ZNF506: variants seen among roughly 807,000 people sequenced by gnomAD.
The protein encoded by ZNF506 is zinc finger protein 506.
ZNF506 carries 10 observed loss-of-function variants against 11.6 expected under a neutral mutation model. The observed-to-expected ratio is 0.86, with a 90% CI of 0.53 to 1.46. The LOEUF (loss-of-function observed/expected upper bound fraction) is 1.46, where lower values mean the gene tolerates loss of function less well. Among genes scored for constraint, ZNF506 ranks in the 40% most tolerant of loss-of-function variants. ZNF506 has a pLI of 0.00. For synonymous variants in ZNF506, 156 were observed against 173.3 expected, an observed-to-expected ratio of 0.90 and a Z score of 0.78; for missense variants, 425 against 521.2, an observed-to-expected ratio of 0.82 and a Z score of 1.80.
intron 3 of ZNF506, among the ~76,000 whole-genome samples, chr19:19,803,514 C>T (rs1244351742): frequency 7.2e-5 from 11 of 152,176 alleles, no homozygotes; most frequent in Admixed American, 7.2e-4. Context: ...AATGTCTGCC[C>T]TATGGAGCAA....
intron 3 of ZNF506, among the ~76,000 whole-genome samples, chr19:19,803,987 A>ATTGTCAATT (rs146229159): frequency 6.6e-6 from 1 of 152,116 alleles, no homozygotes; most frequent in South Asian, 2.1e-4. Context: ...TTCCAACTAT[A>ATTGTCAATT]TTGTCAATTT....
At chr19:19,821,452 C>T (rs924096460) in intron 1 of ZNF506, 149 bp downstream of exon 1, 2 of 1,041,530 alleles carry the variant, frequency 1.9e-6, no homozygotes, top group Non-Finnish European at 3.0e-6. Context: ...ATGGCTGGGG[C>T]GGAGCTGGGC....
intron 1 of ZNF506, among the ~76,000 whole-genome samples, chr19:19,815,121 G>A (rs948120935): frequency 7.2e-5 from 11 of 152,098 alleles, no homozygotes; most frequent in Admixed American, 3.9e-4. Context: ...TTAGCCAGGC[G>A]TGGTGGCGGG....
chr19:19,819,889 G>A (rs1161176496), intron 1 of ZNF506, among the ~76,000 whole-genome samples: 4 of 152,146 alleles, frequency 2.6e-5, no homozygotes, highest in African/African-American at 4.8e-5. Flanking sequence ...ACGAGGTCAA[G>A]AGATAGAGAC....
At chr19:19,809,074 G>A (rs187132536) in intron 1 of ZNF506, among the ~76,000 whole-genome samples, 1 of 152,170 alleles carries the variant, frequency 6.6e-6, no homozygotes, top group African/African-American at 2.4e-5. Flanking sequence ...CACACAGATG[G>A]AGCCTCAACA....
chr19:19,819,518 T>C (rs922074705), intron 1 of ZNF506, among the ~76,000 whole-genome samples: 2 of 152,124 alleles, frequency 1.3e-5, no homozygotes, highest in African/African-American at 4.8e-5. Context: ...CTAGACACTC[T>C]AGCAGACATA....
chr19:19,817,216 C>T (rs759592094), intron 1 of ZNF506, among the ~76,000 whole-genome samples: 34 of 152,172 alleles, frequency 2.2e-4, no homozygotes, highest in Non-Finnish European at 3.4e-4. Flanking sequence ...CTCCTAAGAA[C>T]ATGCTGATTT....
At chr19:19,799,872 CAAA>C (rs35531969) in intron 3 of ZNF506, among the ~76,000 whole-genome samples, 4 of 128,758 alleles carry the variant, frequency 3.1e-5, no homozygotes, top group African/African-American at 2.7e-5. Flanking sequence ...CAACAGTCTT[CAAA>C]AAAAAAAAAA....
intron 3 of ZNF506, 93 bp downstream of exon 3, chr19:19,805,938 G>T: frequency 9.2e-7 from 1 of 1,088,396 alleles, no homozygotes; most frequent in Non-Finnish European, 1.3e-6. Flanking sequence ...TGGGAACACA[G>T]CTTCCCAAAT....
intron 1 of ZNF506, among the ~76,000 whole-genome samples, chr19:19,813,704 C>T (rs1016806059): frequency 6.6e-6 from 1 of 152,212 alleles, no homozygotes; most frequent in Non-Finnish European, 1.5e-5. Flanking sequence ...GATGCAGTGG[C>T]TCATGCCTGT....
intron 1 of ZNF506, among the ~76,000 whole-genome samples, chr19:19,810,045 C>T (rs2062872255): frequency 6.6e-6 from 1 of 152,204 alleles, no homozygotes; most frequent in Non-Finnish European, 1.5e-5. Context: ...GCCTCTCAAG[C>T]TTTAACGAGC....
chr19:19,818,561 A>T (rs1358072408), intron 1 of ZNF506, among the ~76,000 whole-genome samples: 1 of 152,246 alleles, frequency 6.6e-6, no homozygotes, highest in African/African-American at 2.4e-5. Context: ...AAAATTCCTG[A>T]ACTCACTCTG....
rs1164025269 is a variant in ZNF506, at chr19:19,794,957, C to T, written c.930G>A (p.Glu310=). The part of the protein sequence containing the change: ...LTKHEIIHTG[E]KPYKCEECGK... ...CACATTCCTCACATTTGTAGGGTTT[C>T]TCTCCAGTATGAATTATCTCATGTT... The change falls in exon 4 of 4, where the codon GAG becomes GAA. Residue 310 remains glutamate (E), a synonymous_variant. Coordinates refer to ENST00000540806, the MANE Select transcript of ZNF506 (RefSeq NM_001099269.3). 8.7e-6 allele frequency: 14 copies of T among 1,613,728 alleles called. No individual in the cohort carries two copies. In the Admixed American group the frequency reaches 2.3e-4, roughly 27 times the overall value.
chr19:19,813,978 AAAAAT>A (rs942263395), intron 1 of ZNF506, among the ~76,000 whole-genome samples: 5 of 152,288 alleles, frequency 3.3e-5, no homozygotes, highest in East Asian at 1.9e-4. Flanking sequence ...CCCTGTCTCC[AAAAAT>A]AAAATAAAAT....
At chr19:19,812,782 A>T (rs1452464173) in intron 1 of ZNF506, among the ~76,000 whole-genome samples, 1 of 152,242 alleles carries the variant, frequency 6.6e-6, no homozygotes, top group Non-Finnish European at 1.5e-5. Context: ...GAAAAAGCTC[A>T]GATTAGATAT....
intron 1 of ZNF506, among the ~76,000 whole-genome samples, chr19:19,813,349 A>T (rs1013009159): frequency 9.9e-5 from 15 of 152,214 alleles, no homozygotes; most frequent in African/African-American, 3.1e-4. Flanking sequence ...TAGCATTTTT[A>T]AAAATTGCAA....
chr19:19,821,082 T>C (rs7250144), intron 1 of ZNF506, among the ~76,000 whole-genome samples: 2,084 of 152,254 alleles, frequency 0.014, 58 homozygotes, highest in African/African-American at 0.047. Flanking sequence ...GTATTTTTAG[T>C]AGACATGGGG....
At chr19:19,804,662 A>T (rs1182738959) in intron 3 of ZNF506, among the ~76,000 whole-genome samples, 1 of 152,246 alleles carries the variant, frequency 6.6e-6, no homozygotes, top group Non-Finnish European at 1.5e-5. Context: ...TACTCACAAT[A>T]GCAAAGACTT....
chr19:19,807,356 T>G (rs1027475813), intron 1 of ZNF506, among the ~76,000 whole-genome samples: 2 of 152,206 alleles, frequency 1.3e-5, no homozygotes, highest in African/African-American at 2.4e-5. Context: ...AGTGGTATAT[T>G]TACATCATAC....
Sources: gnomAD v4.1 joint callset for allele counts (sites outside exome capture counted in the v4.1 genomes callset) on GRCh38, gnomAD v4.1.1 for gene constraint, MANE v1.5 for transcripts, NCBI Gene and HGNC (gene_info 2026-07-23, HGNC 2026-07-21) for gene names.